Variants in CACNA1C observed in about 807,000 individuals in gnomAD.
The protein encoded by CACNA1C is voltage-dependent L-type calcium channel subunit alpha-1C.
Under a neutral mutation model 229.0 loss-of-function variants are expected in CACNA1C, and 30 were observed. The ratio of observed to expected loss-of-function variants is 0.13; its 90% CI spans 0.10 to 0.18. The LOEUF (loss-of-function observed/expected upper bound fraction) is 0.18. Among genes scored for constraint, CACNA1C ranks in the 10% least tolerant of loss-of-function variants. The pLI is 1.00. For synonymous variants in CACNA1C, 1,114 were observed against 1,132.5 expected (o/e 0.98, Z 0.33); for missense variants, 1,658 against 2,845.0 (o/e 0.58, Z 9.49).
chr12:2,328,827 A>G (rs1592973542), intron 3 of CACNA1C, among the ~76,000 whole-genome samples: 4 of 152,326 alleles, frequency 2.6e-5, no homozygotes, highest in East Asian at 1.9e-4. Context: ...CCATTGATCA[A>G]TTGCAACATT....
At position 2,504,901 on chromosome 12, in the gene CACNA1C, A is replaced by G; in HGVS notation, c.1173A>G (p.Ile391Met). ...PWIYFVTLII[I>M]GSFFVLNLVL... The stretch of plus-strand genomic sequence containing the variant: ...TCTATTTTGTTACACTAATCATCAT[A>G]GGGTCATTTTTTGTACTTAACTTGG... Residue 391 changes from isoleucine (I) to methionine (M), a missense_variant, in exon 8 of 47, where the codon ATA (isoleucine) becomes ATG (methionine). By Grantham distance (10) the Ile-to-Met change is conservative. This residue lies in a region of CACNA1C where 84 missense variants were observed against 202.6 expected (regional missense o/e 0.41). Transcript: ENST00000399655. This position sits in a 1 kb window ranked among gnomAD's most constrained non-coding sequence, Gnocchi z 6.8. The G allele has an allele frequency of 6.2e-7, 1 of 1,606,138 alleles. No individual in the cohort carries two copies. The highest frequency in any genetic ancestry group is 2.2e-5 in the East Asian group (1 of 44,602).
intron 9 of CACNA1C, among the ~76,000 whole-genome samples, chr12:2,541,367 A>G (rs951019454): frequency 5.9e-5 from 9 of 152,250 alleles, no homozygotes; most frequent in Non-Finnish European, 1.3e-4. Flanking sequence ...TTGAGAAAAT[A>G]AATACAAATT....
At chr12:2,382,828 T>C (rs1362316357) in intron 3 of CACNA1C, among the ~76,000 whole-genome samples, 1 of 152,162 alleles carries the variant, frequency 6.6e-6, no homozygotes, top group Non-Finnish European at 1.5e-5. Flanking sequence ...TGACTTAGAA[T>C]AGAGCTCATC....
At chr12:2,569,569 C>G (rs2053233903) in intron 13 of CACNA1C, among the ~76,000 whole-genome samples, 1 of 152,130 alleles carries the variant, frequency 6.6e-6, no homozygotes, top group Non-Finnish European at 1.5e-5. Context: ...GTGATGGCCT[C>G]TTTGACTTAG....
chr12:2,610,550 G>C lies in CACNA1C; in HGVS notation c.3568G>C (p.Val1190Leu). ...CELDKNQRQCVEYALKARPLR... is the reference protein window; with the variant it reads ...CELDKNQRQCLEYALKARPLR... ...TCCACCACCCTCCCAGCGACAGTGC[G>C]TGGAATACGCCCTCAAGGCCCGGCC... is the stretch of plus-strand genomic sequence containing the variant. Residue 1190 changes from valine to leucine, a missense_variant, in exon 28 of 47, where the codon GTG (valine) becomes CTG (leucine). Transcript: ENST00000399655. 1 of 1,613,428 alleles carries C rather than the reference G, an allele frequency of 6.2e-7. No homozygotes were observed. The highest frequency in any genetic ancestry group is 1.1e-5 in the South Asian group (1 of 91,000).
chr12:2,369,992 T>G (rs898047245), intron 3 of CACNA1C, among the ~76,000 whole-genome samples: 21 of 152,222 alleles, frequency 1.4e-4, no homozygotes, highest in African/African-American at 4.8e-4. Context: ...GGGTCAATAT[T>G]GCTGCTGTAT....
intron 1 of CACNA1C, among the ~76,000 whole-genome samples, chr12:1,993,805 T>TA (rs1348640992): frequency 1.3e-5 from 2 of 152,210 alleles, no homozygotes; most frequent in African/African-American, 2.4e-5. Context: ...TAGTTAATAT[T>TA]AGAGTGTACA....
intron 1 of CACNA1C, among the ~76,000 whole-genome samples, chr12:2,073,094 T>G (rs1029321377): frequency 5.9e-5 from 9 of 152,202 alleles, no homozygotes; most frequent in African/African-American, 1.9e-4. Context: ...CACACTCGTT[T>G]GAGAAGTGAG....
chr12:2,666,805 G>A lies in CACNA1C; in HGVS notation c.4623+23G>A. On this transcript the variant is annotated intron_variant, in intron 37 of 46. Transcript: ENST00000399655. The surrounding 1 kb of genome is among the most constrained non-coding windows in gnomAD (Gnocchi z 5.3). ...AAAGTAAGAGATAACGGGGTTCATG[G>A]GAGGGAGAGGGAAAATAGGGGAAGT... The A allele has an allele frequency of 7.1e-7, 1 of 1,416,394 alleles. No homozygotes were observed. Among genetic ancestry groups the A allele is most frequent in the Middle Eastern group, 1.7e-4 (1 of 5,722 alleles). 87.7% of individuals were successfully genotyped at this position (1,416,394 alleles called of 1,614,324 possible). A position where few individuals can be genotyped will look rare whatever the true frequency, so the allele number is the denominator to read the frequency against.
intron 6 of CACNA1C, among the ~76,000 whole-genome samples, chr12:2,489,803 C>T (rs1252492476): frequency 6.6e-6 from 1 of 152,146 alleles, no homozygotes; most frequent in African/African-American, 2.4e-5. Context: ...ATTATTTTAC[C>T]GAAAACTTAA....
chr12:2,609,126 A>G (rs1286038999), intron 27 of CACNA1C, among the ~76,000 whole-genome samples: 3 of 152,150 alleles, frequency 2.0e-5, no homozygotes, highest in Admixed American at 6.5e-5. Flanking sequence ...CCACTCTTAC[A>G]TGGTTTCTTA....
chr12:2,563,526 T>C (rs1419347297), intron 11 of CACNA1C, among the ~76,000 whole-genome samples: 1 of 152,180 alleles, frequency 6.6e-6, no homozygotes, highest in Admixed American at 6.5e-5. Flanking sequence ...TAATCCTTTT[T>C]CCCCTCCCTG....
chr12:2,208,523 C>G (rs1015256275), intron 3 of CACNA1C, among the ~76,000 whole-genome samples: 1 of 152,178 alleles, frequency 6.6e-6, no homozygotes, highest in Non-Finnish European at 1.5e-5. Flanking sequence ...CTCTGGAGCC[C>G]TCTGTCCCCT....
At chr12:2,500,675 G>C (rs546400971) in intron 7 of CACNA1C, among the ~76,000 whole-genome samples, 20 of 152,270 alleles carry the variant, frequency 1.3e-4, no homozygotes, top group South Asian at 4.1e-4. Context: ...AGTTTGCCAA[G>C]AACAGACATC....
At chr12:2,194,264 C>G (rs995476245) in intron 3 of CACNA1C, among the ~76,000 whole-genome samples, 1 of 149,636 alleles carries the variant, frequency 6.7e-6, no homozygotes, top group African/African-American at 2.5e-5. Context: ...CCTCCTCCTC[C>G]TCCTCCTCCT....
intron 3 of CACNA1C, among the ~76,000 whole-genome samples, chr12:2,137,994 T>C (rs981817466): frequency 4.0e-5 from 6 of 151,534 alleles, no homozygotes; most frequent in Non-Finnish European, 4.4e-5. Context: ...TCTCACTGGG[T>C]CTAGCTGAAC....
At chr12:2,060,038 C>G (rs1034254566) in intron 1 of CACNA1C, among the ~76,000 whole-genome samples, 3 of 152,342 alleles carry the variant, frequency 2.0e-5, no homozygotes, top group South Asian at 2.1e-4. Flanking sequence ...TTTAAAAACA[C>G]TTTCTTAGGC....
chr12:2,496,550 C>T (rs2099747183), intron 7 of CACNA1C, among the ~76,000 whole-genome samples: 1 of 152,232 alleles, frequency 6.6e-6, no homozygotes, highest in Admixed American at 6.5e-5. Flanking sequence ...GCAGCACTTG[C>T]TTCCAGTTGT....
rs555395775 is a variant in CACNA1C at position 2,097,358 on chromosome 12, G to A, written c.50-17866G>A. Among the ~76,000 whole-genome samples the A allele has an allele frequency of 1.9e-4, 29 of 152,056 alleles. No homozygotes were observed. The South Asian group carries it at 2.5e-3, about 13-fold the overall frequency. On this transcript the variant is annotated intron_variant, in intron 1 of 46. Coordinates refer to ENST00000399655, the MANE Select transcript of CACNA1C (RefSeq NM_000719.7). ...AGACGGGGTTTCACCATGTTAGCCA[G>A]GATAGTCTCGATCTCCTGACCTTGT...
Sources: gnomAD v4.1 joint callset for allele counts (sites outside exome capture counted in the v4.1 genomes callset) on GRCh38, gnomAD v4.1.1 for gene constraint, gnomAD v4.1.1 regional missense constraint, Gnocchi (gnomAD v3.1) non-coding constraint, MANE v1.5 for transcripts, NCBI Gene and HGNC (gene_info 2026-07-23, HGNC 2026-07-21) for gene names.